The following TTC29 variants were observed in gnomAD, a reference collection of about 807,000 sequenced individuals.
TTC29 encodes the protein tetratricopeptide repeat domain 29.
A neutral mutation model predicts 58.1 loss-of-function variants in TTC29; 49 were observed. The ratio of observed to expected loss-of-function variants is 0.84; its 90% CI spans 0.67 to 1.07. The LOEUF is 1.07. Among genes scored for constraint, TTC29 ranks in the 50% least tolerant of loss-of-function variants. TTC29 has a pLI of 0.00. For synonymous variants in TTC29, 209 were observed against 196.8 expected, an observed-to-expected ratio of 1.06 and a Z score of -0.52; for missense variants, 582 against 555.6, an observed-to-expected ratio of 1.05 and a Z score of -0.48.
chr4:146,785,555 C>T (rs1159954803), intron 11 of TTC29, among the ~76,000 whole-genome samples: 1 of 152,196 alleles, frequency 6.6e-6, no homozygotes, highest in Non-Finnish European at 1.5e-5. Flanking sequence ...CTTTTAAAGA[C>T]TTATCTCCTT....
chr4:146,715,985 T>C (rs764961959), intron 11 of TTC29, among the ~76,000 whole-genome samples: 2 of 152,158 alleles, frequency 1.3e-5, no homozygotes, highest in African/African-American at 4.8e-5. Flanking sequence ...TTGTGAAAAG[T>C]TAAAGATATA....
chr4:146,720,924 G>T lies in TTC29; in HGVS notation c.1331-13373C>A, dbSNP rs56785433. On this transcript the variant is annotated intron_variant, in intron 11 of 12. Transcript: ENST00000325106. ...ACAGATATTCATTGAGAACCCAAGT[G>T]AAAAACACACATTTGTGGGATAGGT... Among the ~76,000 whole-genome samples, 655 of 152,152 alleles carry T rather than the reference G, an allele frequency of 4.3e-3. 5 individuals are homozygous for T. The highest frequency in any genetic ancestry group is 0.015 in the African/African-American group (628 of 41,522).
chr4:146,836,537 T>C (rs1434709299), intron 8 of TTC29, among the ~76,000 whole-genome samples: 4 of 152,078 alleles, frequency 2.6e-5, no homozygotes, highest in African/African-American at 9.7e-5. Context: ...GTGAATTGTG[T>C]AGTTCAAACT....
intron 4 of TTC29, among the ~76,000 whole-genome samples, chr4:146,927,688 T>C (rs1388923538): frequency 1.3e-5 from 2 of 152,138 alleles, no homozygotes; most frequent in Admixed American, 1.3e-4. Context: ...GCCATCAAGA[T>C]AGTTCAAACA....
chr4:146,891,126 C>T (rs1732330085), intron 6 of TTC29, among the ~76,000 whole-genome samples: 1 of 152,046 alleles, frequency 6.6e-6, no homozygotes, highest in South Asian at 2.1e-4. Context: ...TAGAGCAGAG[C>T]CAAAAACTCT....
At chr4:146,849,077 T>G (rs765611353) in intron 8 of TTC29, among the ~76,000 whole-genome samples, 11 of 152,110 alleles carry the variant, frequency 7.2e-5, no homozygotes, top group Non-Finnish European at 1.3e-4. Context: ...TCAGTATGCC[T>G]GAGTCAGCAG....
At chr4:146,935,612 G>A (rs549073701) in intron 4 of TTC29, among the ~76,000 whole-genome samples, 1 of 152,026 alleles carries the variant, frequency 6.6e-6, no homozygotes, top group South Asian at 2.1e-4. Flanking sequence ...TGACCTCTAG[G>A]CTGCACCTCA....
At chr4:146,769,655 A>G (rs149780474) in intron 11 of TTC29, among the ~76,000 whole-genome samples, 1 of 152,152 alleles carries the variant, frequency 6.6e-6, no homozygotes, top group Admixed American at 6.6e-5. Context: ...TCACTTGGTG[A>G]TATATTCTCC....
chr4:146,874,882 C>T lies in TTC29; in HGVS notation c.633G>A (p.Leu211=), dbSNP rs935274795. ...AAEHYEAFHQ[L]TQGRIWKDET... ...CATCCTTCCATATCCGCCCCTGTGT[C>T]AATTGATGGAATGCTTCATAATGCT... The change falls in exon 7 of 13, where the codon TTG becomes TTA. Residue 211 remains leucine, a synonymous_variant. Coordinates refer to ENST00000325106, the MANE Select transcript of TTC29 (RefSeq NM_031956.4). 1 of 1,613,522 alleles carries T rather than the reference C, an allele frequency of 6.2e-7. No individual in the cohort carries two copies. Among genetic ancestry groups the T allele is most frequent in the Non-Finnish European group, 8.5e-7 (1 of 1,179,700 alleles).
chr4:146,909,557 CTTGATAT>C (rs1269758753), intron 4 of TTC29, among the ~76,000 whole-genome samples: 1 of 145,822 alleles, frequency 6.9e-6, no homozygotes, highest in East Asian at 2.0e-4. Context: ...TTAAAAAATA[CTTGATAT>C]ATCAGCCTCC....
chr4:146,832,891 T>C (rs1276370712), intron 9 of TTC29, among the ~76,000 whole-genome samples: 1 of 152,204 alleles, frequency 6.6e-6, no homozygotes, highest in Non-Finnish European at 1.5e-5. Context: ...GTACTGATAT[T>C]TTAAACTATG....
chr4:146,863,365 G>T (rs1730366712), intron 8 of TTC29, among the ~76,000 whole-genome samples: 1 of 152,046 alleles, frequency 6.6e-6, no homozygotes. Context: ...CATCCAATTT[G>T]GCTCTAGGCC....
intron 11 of TTC29, among the ~76,000 whole-genome samples, chr4:146,759,886 T>C (rs1167763371): frequency 1.3e-5 from 2 of 152,074 alleles, no homozygotes; most frequent in Admixed American, 1.3e-4. Flanking sequence ...AAGAAAAGGA[T>C]GCCCACTCTC....
intron 11 of TTC29, among the ~76,000 whole-genome samples, chr4:146,783,017 C>T (rs1319725093): frequency 6.6e-6 from 1 of 151,962 alleles, no homozygotes; most frequent in Non-Finnish European, 1.5e-5. Flanking sequence ...TCTTCACTTG[C>T]ATTTTTCAGA....
intron 11 of TTC29, among the ~76,000 whole-genome samples, chr4:146,769,804 A>G (rs1747594977): frequency 1.3e-5 from 2 of 152,026 alleles, no homozygotes; most frequent in Admixed American, 6.6e-5. Flanking sequence ...AGTTGCTTTC[A>G]CTGTTTCTAA....
chr4:146,863,184 A>G (rs997205065), intron 8 of TTC29, among the ~76,000 whole-genome samples: 17 of 152,104 alleles, frequency 1.1e-4, no homozygotes, highest in African/African-American at 4.1e-4. Flanking sequence ...TACTGGAAAT[A>G]TCTGCATAGA....
chr4:146,801,310 C>T (rs1284487252), intron 11 of TTC29, among the ~76,000 whole-genome samples: 2 of 152,114 alleles, frequency 1.3e-5, no homozygotes, highest in African/African-American at 2.4e-5. Flanking sequence ...TAATATCCTA[C>T]AGATTTTATT....
intron 11 of TTC29, among the ~76,000 whole-genome samples, chr4:146,768,674 C>T (rs899391431): frequency 6.6e-5 from 10 of 151,918 alleles, no homozygotes; most frequent in South Asian, 2.1e-4. Context: ...TTTCATTCTT[C>T]CTGTCTTTTA....
intron 10 of TTC29, among the ~76,000 whole-genome samples, chr4:146,817,614 C>T (rs1275746318): frequency 1.4e-4 from 21 of 152,192 alleles, no homozygotes; most frequent in East Asian, 7.7e-4. Context: ...AAACAGAGCC[C>T]GCATCACCAA....
Sources: gnomAD v4.1 joint callset for allele counts (sites outside exome capture counted in the v4.1 genomes callset) on GRCh38, gnomAD v4.1.1 for gene constraint, MANE v1.5 for transcripts, NCBI Gene and HGNC (gene_info 2026-07-23, HGNC 2026-07-21) for gene names.